The following CGB2 variants were observed in gnomAD, a reference collection of about 807,000 sequenced individuals.
CGB2 encodes the protein choriogonadotropin subunit beta variant 2.
CGB2 carries 4 observed loss-of-function variants against 7.1 expected under a neutral mutation model. The ratio of observed to expected loss-of-function variants is 0.57; its 90% confidence interval spans 0.28 to 1.29. The LOEUF is 1.29. Among genes scored for constraint, CGB2 ranks in the 50% most tolerant of loss-of-function variants. The pLI, the probability that CGB2 is intolerant of heterozygous loss-of-function variation, is 0.10. For synonymous variants in CGB2, 51 were observed against 100.3 expected, an observed-to-expected ratio of 0.51 and a Z score of 2.94; for missense variants, 88 against 224.0, an observed-to-expected ratio of 0.39 and a Z score of 3.88.
chr19:49,032,287 G>T (rs564146797), intron 1 of CGB2, 183 bp downstream of exon 1: 92 of 1,589,968 alleles, frequency 5.8e-5, no homozygotes, highest in East Asian at 2.3e-4. Context: ...TTCAGGTGGG[G>T]CAGTTCCTGA....
rs767771534 is a variant in CGB2 at position 49,032,102 on chromosome 19, A to C, written c.7A>C (p.Lys3Gln). The change falls in exon 1 of 3, where the codon AAG becomes CAG. Residue 3 changes from lysine (K) to glutamine (Q), a missense_variant and splice_region_variant. Physicochemically the swap from Lys to Gln is moderately conservative, Grantham distance 53. Around this residue, in one of 2 missense-constraint regions of CGB2, gnomAD observed 59 missense variants for 193.3 expected, o/e 0.31. Coordinates refer to ENST00000359342, the MANE Select transcript of CGB2 (RefSeq NM_033378.2). MS[K>Q]GLLLLLLLSM... Reference sequence around the variant, plus strand: ...ATCCCGCTAAGAGAGAGACATGTCAAAGGTAGGGTAGATCGACATTTCCAG... The same window carrying C: ...ATCCCGCTAAGAGAGAGACATGTCACAGGTAGGGTAGATCGACATTTCCAG... The C allele has an allele frequency of 1.2e-6, 2 of 1,613,940 alleles. No homozygotes were observed. The highest frequency in any genetic ancestry group is 1.7e-6 in the Non-Finnish European group (2 of 1,179,848).
rs749311600 is a variant in CGB2 at position 49,032,621 on chromosome 19, G to C, written c.127G>C (p.Val43Leu). 4 of 1,422,244 alleles carry C rather than the reference G, an allele frequency of 2.8e-6. No homozygotes were observed. In the South Asian group the frequency reaches 5.2e-5, roughly 18 times the overall value. The allele number at this position is 1,422,244 out of a possible 1,614,324, so 88.1% of individuals were successfully genotyped here. ...TLAVEKEGCP[V>L]CITVNTTICA... is the part of the protein sequence containing the mutation. The stretch of plus-strand genomic sequence containing the variant: ...GGCTGTGGAGAAGGAGGGCTGCCCC[G>C]TGTGCATCACCGTCAACACCACCAT... The change falls in exon 2 of 3, where the codon GTG becomes CTG. Residue 43 changes from valine to leucine, a missense_variant. By Grantham distance (32) the Val-to-Leu change is conservative (BLOSUM62 1). Coordinates refer to ENST00000359342, the MANE Select transcript of CGB2 (RefSeq NM_033378.2).
At chr19:49,032,275 G>A (rs2039745906) in intron 1 of CGB2, 171 bp downstream of exon 1, 4 of 1,597,612 alleles carry the variant, frequency 2.5e-6, no homozygotes, top group Non-Finnish European at 3.4e-6. Flanking sequence ...CCCCCAGTAA[G>A]CTTCAGGTGG....
Position 49,031,895 on chromosome 19 carries a change from G to C in CGB2, c.-201G>C, listed in dbSNP as rs2039737254. On this transcript the variant is annotated 5_prime_UTR_variant, in exon 1 of 3. Transcript: ENST00000359342. ...AGTCCCCAGGGCCAGTGAGGGCCCT[G>C]CGTTCCGTGGCGCCCCCTGGAGGGA... 1.5e-6 allele frequency: 1 copy of C among 659,742 alleles called. No homozygotes were observed. The allele number at this position is 659,742 out of a possible 1,614,324, so 40.9% of individuals were successfully genotyped here. A position where few individuals can be genotyped will look rare whatever the true frequency, so the allele number is the denominator to read the frequency against.
At chr19:49,032,367 G>C in intron 1 of CGB2, 137 bp from the exon 2 acceptor site, 1 of 1,591,970 alleles carries the variant, frequency 6.3e-7, no homozygotes, top group Non-Finnish European at 8.5e-7. Context: ...AAAGGCAGGT[G>C]TCCGGGTGGT....
At chr19:49,032,290 G>A in intron 1 of CGB2, 186 bp downstream of exon 1, 2 of 1,585,106 alleles carry the variant, frequency 1.3e-6, no homozygotes, top group Non-Finnish European at 8.6e-7. Flanking sequence ...AGGTGGGGCA[G>A]TTCCTGAGGG....
intron 1 of CGB2, 68 bp from the exon 2 acceptor site, chr19:49,032,436 G>A (rs1380770707): frequency 6.3e-7 from 1 of 1,592,408 alleles, no homozygotes; most frequent in Non-Finnish European, 8.5e-7. Context: ...GGTGTACCAC[G>A]CGGGATGGGA....
At position 49,031,918 on chromosome 19, in the gene CGB2, G is replaced by T. The variant is rs1600218841; in HGVS notation, c.-178G>T. On this transcript the variant is annotated 5_prime_UTR_variant, in exon 1 of 3. Transcript: ENST00000359342. ...CTGCGTTCCGTGGCGCCCCCTGGAGGGAGGAAGGGGAACTGTATCTGAGAG... is the reference window on the plus strand; with the variant it reads ...CTGCGTTCCGTGGCGCCCCCTGGAGTGAGGAAGGGGAACTGTATCTGAGAG... 3 of 788,836 alleles carry T rather than the reference G, an allele frequency of 3.8e-6. No individual in the cohort carries two copies. Among genetic ancestry groups the T allele is most frequent in the East Asian group, 5.6e-5 (2 of 35,752 alleles). 48.9% of individuals were successfully genotyped at this position (788,836 alleles called of 1,614,324 possible). A position where few individuals can be genotyped will look rare whatever the true frequency, so the allele number is the denominator to read the frequency against.
In CGB2 at chr19:49,032,100, C is replaced by G. The variant is rs772999884; in HGVS notation, c.5C>G (p.Ser2Ter). The G allele has an allele frequency of 6.2e-7, 1 of 1,613,944 alleles. No individual in the cohort carries two copies. Among genetic ancestry groups the G allele is most frequent in the South Asian group, 1.1e-5 (1 of 91,074 alleles). M[S>*]KGLLLLLLLS... is the part of the protein sequence containing the mutation. ...ATATCCCGCTAAGAGAGAGACATGTCAAAGGTAGGGTAGATCGACATTTCC... is the reference window on the plus strand; with the variant it reads ...ATATCCCGCTAAGAGAGAGACATGTGAAAGGTAGGGTAGATCGACATTTCC... The change falls in exon 1 of 3, where the codon TCA becomes TGA. Residue 2 changes from serine to a stop codon, truncating the protein, a stop_gained. Transcript: ENST00000359342. LOFTEE classifies it high-confidence loss of function.
chr19:49,031,897 G>A lies in CGB2; in HGVS notation c.-199G>A. On this transcript the variant is annotated 5_prime_UTR_variant, in exon 1 of 3. Transcript: ENST00000359342. ...TCCCCAGGGCCAGTGAGGGCCCTGC[G>A]TTCCGTGGCGCCCCCTGGAGGGAGG... The A allele has an allele frequency of 3.0e-6, 2 of 674,120 alleles. No homozygotes were observed. The highest frequency in any genetic ancestry group is 3.0e-5 in the East Asian group (1 of 33,324). The allele number at this position is 674,120 out of a possible 1,614,324, so 41.8% of individuals were successfully genotyped here.
At chr19:49,032,348 T>C in intron 1 of CGB2, 156 bp from the exon 2 acceptor site, 1 of 1,582,326 alleles carries the variant, frequency 6.3e-7, no homozygotes, top group Non-Finnish European at 8.6e-7. Context: ...GGCTGTGGGG[T>C]GGGCTCTGAA....
At chr19:49,032,306 A>T (rs1258969198) in intron 1 of CGB2, 198 bp from the exon 2 acceptor site, 1 of 1,578,584 alleles carries the variant, frequency 6.3e-7, no homozygotes, top group Non-Finnish European at 8.6e-7. Flanking sequence ...GAGGGTGGGG[A>T]TCTAAAATGT....
chr19:49,032,132 C>A (rs760845814), intron 1 of CGB2, 28 bp downstream of exon 1: 2 of 1,613,840 alleles, frequency 1.2e-6, no homozygotes, highest in East Asian at 4.5e-5. Flanking sequence ...TTCCAGGCAC[C>A]AAAGATGGAG....
chr19:49,032,215 G>A, intron 1 of CGB2, 111 bp downstream of exon 1: 4 of 1,613,758 alleles, frequency 2.5e-6, no homozygotes, highest in Non-Finnish European at 3.4e-6. Flanking sequence ...CATGAGAAGG[G>A]GCAGACCAGT....
chr19:49,032,236 G>C, intron 1 of CGB2, 132 bp downstream of exon 1: 1 of 1,610,806 alleles, frequency 6.2e-7, no homozygotes, highest in Admixed American at 1.7e-5. Context: ...GTGAGCTGTG[G>C]AAGGAGGCCT....
In CGB2 at chr19:49,031,955, T is replaced by C. The variant is rs962964697; in HGVS notation, c.-141T>C. ...ACTGTATCTGAGAGAGAGCAGCCAATTGGGTCCGCTGACTCCGGCCGGGTT... is the reference window on the plus strand; with the variant it reads ...ACTGTATCTGAGAGAGAGCAGCCAACTGGGTCCGCTGACTCCGGCCGGGTT... On this transcript the variant is annotated 5_prime_UTR_variant, in exon 1 of 3. Coordinates refer to ENST00000359342, the MANE Select transcript of CGB2 (RefSeq NM_033378.2). The C allele has an allele frequency of 1.7e-5, 19 of 1,142,696 alleles. No individual in the cohort carries two copies. In the African/African-American group the frequency reaches 1.7e-4, roughly 10 times the overall value. 70.8% of individuals were successfully genotyped at this position (1,142,696 alleles called of 1,614,324 possible). A position where few individuals can be genotyped will look rare whatever the true frequency, so the allele number is the denominator to read the frequency against.
In CGB2 at chr19:49,032,509, G is replaced by C. The variant is rs2039751014; in HGVS notation, c.15G>C (p.Leu5=). ...AAGCAGTGTCCTTGTCCCAGGGGCT[G>C]CTGCTGTTGCTGCTGCTGAGCATGG... MSKG[L]LLLLLLSMGG... is the part of the protein sequence containing the mutation. Residue 5 remains leucine, a synonymous_variant, in exon 2 of 3, where the codon CTG becomes CTC. Transcript: ENST00000359342. 4.4e-6 allele frequency: 7 copies of C among 1,582,064 alleles called. No individual in the cohort carries two copies. The highest frequency in any genetic ancestry group is 6.0e-6 in the Non-Finnish European group (7 of 1,173,422).
At position 49,032,143 on chromosome 19, in the gene CGB2, A is replaced by T. The variant is rs376136197; in HGVS notation, c.9+39A>T. 4.5e-4 allele frequency: 721 copies of T among 1,613,788 alleles called. 1 individual carries two copies. The highest frequency in any genetic ancestry group is 5.9e-4 in the Non-Finnish European group (701 of 1,179,854). On this transcript the variant is annotated intron_variant, in intron 1 of 2. Transcript: ENST00000359342. ...ACATTTCCAGGCACCAAAGATGGAG[A>T]TGTTCCAGGAAAGACTGCAGGGCCC...
chr19:49,033,164 C>T lies in CGB2; in HGVS notation c.435C>T (p.Ser145=), dbSNP rs751614145. Reference sequence around the variant, plus strand: ...CTTCCTCAAAGGCCCCTCCCCCCAGCCTTCCAAGCCCATCCCGACTCCCGG... The same window carrying T: ...CTTCCTCAAAGGCCCCTCCCCCCAGTCTTCCAAGCCCATCCCGACTCCCGG... ...ASSSSKAPPP[S]LPSPSRLPGP... Residue 145 remains serine, a synonymous_variant, in exon 3 of 3, where the codon AGC becomes AGT. Coordinates refer to ENST00000359342, the MANE Select transcript of CGB2 (RefSeq NM_033378.2). The T allele has an allele frequency of 1.2e-6, 2 of 1,611,058 alleles. No homozygotes were observed. The highest frequency in any genetic ancestry group is 2.2e-5 in the East Asian group (1 of 44,866).
Sources: gnomAD v4.1 joint callset for allele counts on GRCh38, gnomAD v4.1.1 for gene constraint, gnomAD v4.1.1 regional missense constraint, MANE v1.5 for transcripts, NCBI Gene and HGNC (gene_info 2026-07-23, HGNC 2026-07-21) for gene names.